F8: variants seen among roughly 807,000 people sequenced by gnomAD.
The protein encoded by F8 is coagulation factor VIII.
Under a neutral mutation model 140.6 loss-of-function variants are expected in F8, and 12 were observed. The observed-to-expected ratio is 0.09, with a 90% CI of 0.05 to 0.14. The LOEUF is 0.14. F8 is among the 10% of genes least tolerant of loss of function. The probability of loss-of-function intolerance (pLI) is 1.00; values close to 1 mark genes in which losing one functional copy is unlikely to be tolerated. For synonymous variants in F8, 585 were observed against 614.6 expected, an observed-to-expected ratio of 0.95 and a Z score of 0.71; for missense variants, 1,354 against 1,720.7, an observed-to-expected ratio of 0.79 and a Z score of 3.77.
chrX:154,914,350 T>C (rs1404187426), intron 14 of F8, among the ~76,000 whole-genome samples: 1 of 112,947 alleles, frequency 8.9e-6, no homozygotes, highest in African/African-American at 3.2e-5. Flanking sequence ...TCTTGGTGAT[T>C]AACATTTGGC....
At position 154,984,013 on chromosome X, in the gene F8, G is replaced by A. The variant is rs144869784; in HGVS notation, c.787+674C>T. ...TTTTCCAGTGTAGAAACCATGAGTT[G>A]AGGGGAGATTTTCCATACACTTGGT... On this transcript the variant is annotated intron_variant, in intron 6 of 25. Transcript: ENST00000360256. Among the ~76,000 whole-genome samples the A allele has an allele frequency of 4.5e-3, 508 of 111,961 alleles. 2 individuals are homozygous for A. Among genetic ancestry groups the A allele is most frequent in the Non-Finnish European group, 6.7e-3 (357 of 53,148 alleles).
At chrX:154,868,423 CTG>C in intron 22 of F8, among the ~76,000 whole-genome samples, 1 of 111,860 alleles carries the variant, frequency 8.9e-6, no homozygotes, top group Non-Finnish European at 1.9e-5. Flanking sequence ...CCATGCAGAA[CTG>C]TGAGTCAATT....
chrX:154,929,602 A>T lies in F8; in HGVS notation c.4188T>A (p.Ser1396Arg). 1 of 1,209,978 alleles carries T rather than the reference A, an allele frequency of 8.3e-7. No individual in the cohort carries two copies. The highest frequency in any genetic ancestry group is 1.8e-5 in the South Asian group (1 of 56,866). ...ATCTATTTGCTTGAGGGATGCTATG[A>T]CTCCTCGTAAGGCAATCTGATAAGG... ...QSPLSDCLTR[S>R]HSIPQANRSP... Residue 1396 changes from serine (S) to arginine (R), a missense_variant, in exon 14 of 26, where the codon AGT (serine) becomes AGA (arginine). Physicochemically the swap from Ser to Arg is moderately radical, Grantham distance 110. This residue lies in a region of F8 where 658 missense variants were observed against 666.5 expected (regional missense o/e 0.99). Transcript: ENST00000360256.
chrX:154,862,768 T>C (rs781905284), intron 23 of F8, among the ~76,000 whole-genome samples: 1 of 112,506 alleles, frequency 8.9e-6, no homozygotes, highest in Admixed American at 9.4e-5. Context: ...TACCACATTT[T>C]CTTTATCCAA....
At chrX:154,984,630 G>A in intron 6 of F8, 57 bp downstream of exon 6, 2 of 892,007 alleles carry the variant, frequency 2.2e-6, no homozygotes, top group South Asian at 3.9e-5. Context: ...CTGAAGTACA[G>A]AACTCTGGTG....
At chrX:154,899,172 A>G (rs781983509) in intron 21 of F8, among the ~76,000 whole-genome samples, 1 of 112,587 alleles carries the variant, frequency 8.9e-6, no homozygotes, top group South Asian at 3.7e-4. Context: ...GGCAGTGTCT[A>G]CAAAACAATG....
intron 12 of F8, among the ~76,000 whole-genome samples, chrX:154,950,244 T>G (rs2073329926): frequency 8.9e-6 from 1 of 112,198 alleles, no homozygotes; most frequent in Non-Finnish European, 1.9e-5. Flanking sequence ...ACATAACAGG[T>G]GTATACTAGG....
intron 13 of F8, among the ~76,000 whole-genome samples, chrX:154,941,935 G>T (rs878903359): frequency 1.9e-5 from 2 of 103,138 alleles, no homozygotes; most frequent in Non-Finnish European, 4.0e-5. Flanking sequence ...ATAACGAAAT[G>T]AAGGCAGAAA....
intron 13 of F8, among the ~76,000 whole-genome samples, chrX:154,933,257 TA>T (rs1348363556): frequency 2.7e-5 from 3 of 112,179 alleles, no homozygotes; most frequent in African/African-American, 9.7e-5. Flanking sequence ...AAATTTGAAG[TA>T]AGAAAAGAGA....
chrX:154,930,358 A>G lies in F8; in HGVS notation c.3432T>C (p.Ser1144=). 8.3e-7 allele frequency: 1 copy of G among 1,210,401 alleles called. No individual in the cohort carries two copies. The highest frequency in any genetic ancestry group is 1.1e-6 in the Non-Finnish European group (1 of 894,596). The change falls in exon 14 of 26, where the codon AGT becomes AGC. Residue 1144 remains serine, a synonymous_variant. Coordinates refer to ENST00000360256, the MANE Select transcript of F8 (RefSeq NM_000132.4). ...KNSLNSGQGP[S]PKQLVSLGPE... The stretch of plus-strand genomic sequence containing the variant: ...GTCCTAAGGATACTAATTGCTTTGG[A>G]CTGGGGCCTTGCCCAGAGTTCAGAG...
Position 154,909,015 on chromosome X carries a change from G to A in F8, c.5220-2442C>T, listed in dbSNP as rs116445345. 4.2e-3 allele frequency: 887 copies of A among 212,189 alleles called. 10 individuals carry two copies. The highest frequency in any genetic ancestry group is 0.025 in the African/African-American group (806 of 32,773). The allele number at this position is 212,189 out of a possible 1,213,427, so 17.5% of individuals were successfully genotyped here. A position where few individuals can be genotyped will look rare whatever the true frequency, so the allele number is the denominator to read the frequency against. ...CACTGATTTGGGCTGGATGGTTCAG[G>A]AAGCCAGCTGCTTCCGTTGGCGAGT... On this transcript the variant is annotated intron_variant, in intron 14 of 25. Coordinates refer to ENST00000360256, the MANE Select transcript of F8 (RefSeq NM_000132.4).
chrX:154,973,947 C>T (rs1321814908), intron 6 of F8, among the ~76,000 whole-genome samples: 2 of 109,789 alleles, frequency 1.8e-5, no homozygotes, highest in Non-Finnish European at 1.9e-5. Flanking sequence ...CAGGAGCGCA[C>T]CACCATGTCT....
intron 21 of F8, among the ~76,000 whole-genome samples, chrX:154,896,534 C>T (rs868915626): frequency 2.0e-5 from 2 of 101,868 alleles, no homozygotes; most frequent in East Asian, 5.9e-4. Flanking sequence ...CACACACACA[C>T]ACATACACAC....
chrX:154,846,270 A>G (rs200067784), intron 25 of F8, among the ~76,000 whole-genome samples: 1 of 111,583 alleles, frequency 9.0e-6, no homozygotes, highest in African/African-American at 3.3e-5. Flanking sequence ...TTGATTTGGG[A>G]TGGAGAGTTC....
At chrX:154,888,455 C>T (rs1198272190) in intron 22 of F8, among the ~76,000 whole-genome samples, 2 of 69,497 alleles carry the variant, frequency 2.9e-5, no homozygotes, top group East Asian at 9.0e-4. Flanking sequence ...AGCGCAGTGG[C>T]GTGATCTCGG....
chrX:154,982,833 G>C (rs1196740669), intron 6 of F8, among the ~76,000 whole-genome samples: 3 of 112,175 alleles, frequency 2.7e-5, no homozygotes, highest in Non-Finnish European at 5.6e-5. Flanking sequence ...AGTGCCACTA[G>C]TGATGCTGGA....
rs2073349525 is a variant in F8, at chrX:154,953,815, A to T, written c.1903+77T>A. 5.5e-6 allele frequency: 6 copies of T among 1,096,326 alleles called. No homozygotes were observed. In the Admixed American group the frequency reaches 1.1e-4, roughly 20 times the overall value. The allele number at this position is 1,096,326 out of a possible 1,213,427, so 90.3% of individuals were successfully genotyped here. On this transcript the variant is annotated intron_variant, in intron 12 of 25. Coordinates refer to ENST00000360256, the MANE Select transcript of F8 (RefSeq NM_000132.4). ...ATTTATGTGCACATACAATTCATTC[A>T]TTATCTGGACATCACTTTGATTACA...
chrX:154,969,539 G>A lies in F8; in HGVS notation c.801C>T (p.Cys267=). 1 of 1,209,526 alleles carries A rather than the reference G, an allele frequency of 8.3e-7. No individual in the cohort carries two copies. Among genetic ancestry groups the A allele is most frequent in the Non-Finnish European group, 1.1e-6 (1 of 893,427 alleles). The change falls in exon 7 of 26, where the codon TGC becomes TGT. Residue 267 remains cysteine (C), a synonymous_variant. Coordinates refer to ENST00000360256, the MANE Select transcript of F8 (RefSeq NM_000132.4). The part of the protein sequence containing the change: ...VNRSLPGLIG[C]HRKSVYWHVI... ...CATGCCAATAGACTGATTTCCTGTG[G>A]CATCCAATCAGACCTGTAAAGTAGG...
Position 154,930,657 on chromosome X carries a change from G to A in F8, c.3133C>T (p.Pro1045Ser). ...DGPSLLIENSPSVWQNILESD... is the reference protein window; with the variant it reads ...DGPSLLIENSSSVWQNILESD... ...TCTAATATATTTTGCCAGACTGATG[G>A]ACTATTCTCAATTAATAATGATGGG... The change falls in exon 14 of 26, where the codon CCA becomes TCA. Residue 1045 changes from proline to serine, a missense_variant. This residue lies in a region of F8 where 658 missense variants were observed against 666.5 expected (regional missense o/e 0.99). Transcript: ENST00000360256. The A allele has an allele frequency of 8.3e-7, 1 of 1,209,948 alleles. No homozygotes were observed. Among genetic ancestry groups the A allele is most frequent in the Non-Finnish European group, 1.1e-6 (1 of 894,560 alleles).
Sources: gnomAD v4.1 joint callset for allele counts (sites outside exome capture counted in the v4.1 genomes callset) on GRCh38, gnomAD v4.1.1 for gene constraint, gnomAD v4.1.1 regional missense constraint, MANE v1.5 for transcripts, NCBI Gene and HGNC (gene_info 2026-07-23, HGNC 2026-07-21) for gene names.